TMPRSS3: variants seen among roughly 807,000 people sequenced by gnomAD.
TMPRSS3 encodes the protein transmembrane protease serine 3.
Under a neutral mutation model 59.6 loss-of-function variants are expected in TMPRSS3, and 55 were observed. That is an observed-to-expected ratio of 0.92 (90% CI 0.74 to 1.16). TMPRSS3 has a LOEUF of 1.16. Among genes scored for constraint, TMPRSS3 ranks in the 50% most tolerant of loss-of-function variants. The pLI is 0.00. For missense variants in TMPRSS3, 596 were observed against 579.4 expected (o/e 1.03, Z -0.29); for synonymous variants, 257 against 237.7 (o/e 1.08, Z -0.75).
intron 3 of TMPRSS3, 195 bp from the exon 4 acceptor site, chr21:42,389,240 C>G: frequency 8.9e-7 from 1 of 1,118,388 alleles, no homozygotes; most frequent in Non-Finnish European, 1.3e-6. Context: ...CTGCTGTGCC[C>G]CACTTTATCT....
chr21:42,382,917 T>G, intron 8 of TMPRSS3, 116 bp downstream of exon 8: 6 of 1,253,274 alleles, frequency 4.8e-6, no homozygotes, highest in Non-Finnish European at 6.8e-6. Context: ...GTACATTACT[T>G]GGAGGTTAGT....
intron 9 of TMPRSS3, among the ~76,000 whole-genome samples, chr21:42,380,966 G>A (rs2251362): frequency 0.17 from 25,531 of 152,184 alleles, 2,686 homozygotes; most frequent in East Asian, 0.31. Flanking sequence ...ATAGTTGGCA[G>A]ACTGGCACCA....
At chr21:42,394,139 CTATT>C (rs1236233060) in intron 2 of TMPRSS3, among the ~76,000 whole-genome samples, 3 of 152,050 alleles carry the variant, frequency 2.0e-5, no homozygotes, top group African/African-American at 7.2e-5. Flanking sequence ...ATACATTACT[CTATT>C]TACAAGGAAA....
chr21:42,389,265 G>T, intron 3 of TMPRSS3: 2 of 853,604 alleles, frequency 2.3e-6, no homozygotes, highest in Non-Finnish European at 3.6e-6. Context: ...ATGTGGCCTG[G>T]CCCAGGAACC....
intron 6 of TMPRSS3, among the ~76,000 whole-genome samples, chr21:42,384,546 T>C (rs2052592103): frequency 6.6e-6 from 1 of 152,202 alleles, no homozygotes; most frequent in South Asian, 2.1e-4. Flanking sequence ...GCTTTTCTCA[T>C]AGTGAAGGGA....
intron 10 of TMPRSS3, among the ~76,000 whole-genome samples, chr21:42,379,772 A>G (rs374761620): frequency 3.3e-5 from 5 of 152,052 alleles, no homozygotes; most frequent in Admixed American, 2.6e-4. Flanking sequence ...CGAATCTTTG[A>G]GTTCTGAATG....
chr21:42,395,270 A>G (rs535350254), intron 2 of TMPRSS3, 54 bp downstream of exon 2: 20 of 1,461,470 alleles, frequency 1.4e-5, no homozygotes, highest in Admixed American at 1.7e-5. Flanking sequence ...CACATTGGTC[A>G]CCTACATGAG....
Position 42,388,291 on chromosome 21 carries a change from TA to T in TMPRSS3, c.446+111del. On this transcript the variant is annotated intron_variant, in intron 5 of 12. Coordinates refer to ENST00000644384, the MANE Select transcript of TMPRSS3 (RefSeq NM_001256317.3). The surrounding 1 kb of genome is among the most constrained non-coding windows in gnomAD (Gnocchi z 5.1). ...GCATCCTAAGGTGGATGTGAGGATG[TA>T]ATCTGAGAGCGTTAAAGCACCCAAT... 1 of 1,431,386 alleles carries T rather than the reference TA, an allele frequency of 7.0e-7. No homozygotes were observed. Among genetic ancestry groups the T allele is most frequent in the South Asian group, 1.2e-5 (1 of 85,862 alleles). The allele number at this position is 1,431,386 out of a possible 1,614,324, so 88.7% of individuals were successfully genotyped here. A position where few individuals can be genotyped will look rare whatever the true frequency, so the allele number is the denominator to read the frequency against.
chr21:42,373,142 T>C (rs8131678), intron 12 of TMPRSS3, among the ~76,000 whole-genome samples: 8,170 of 152,140 alleles, frequency 0.054, 467 homozygotes, highest in African/African-American at 0.15. Context: ...GATGAGGCCA[T>C]GGGCATGCCA....
At chr21:42,395,182 G>C in intron 2 of TMPRSS3, 142 bp downstream of exon 2, 1 of 745,914 alleles carries the variant, frequency 1.3e-6, no homozygotes, top group Non-Finnish European at 2.4e-6. Flanking sequence ...AGATTCTGCA[G>C]ATCTAGGGAA....
intron 8 of TMPRSS3, 148 bp downstream of exon 8, chr21:42,382,885 G>A: frequency 1.1e-6 from 1 of 939,328 alleles, no homozygotes. Context: ...TCCACAGTGA[G>A]GCTGGAGACT....
rs540715620 is a variant in TMPRSS3 at position 42,380,137 on chromosome 21, C to A, written c.1028G>T (p.Trp343Leu). ...PDGKVCWTSGWGATEDGGDAS... is the reference protein window; with the variant it reads ...PDGKVCWTSGLGATEDGGDAS... Reference sequence around the variant, plus strand: ...CTGACCTCCATCCTCTGTGGCCCCCCATCCTGACGTCCAGCACACTTTTCC... The same window carrying A: ...CTGACCTCCATCCTCTGTGGCCCCCAATCCTGACGTCCAGCACACTTTTCC... The change falls in exon 10 of 13, where the codon TGG becomes TTG. Residue 343 changes from tryptophan to leucine, a missense_variant. Transcript: ENST00000644384. The A allele has an allele frequency of 4.3e-6, 7 of 1,614,162 alleles. No individual in the cohort carries two copies. Among genetic ancestry groups the A allele is most frequent in the East Asian group, 2.2e-5 (1 of 44,872 alleles).
chr21:42,375,259 C>T (rs1230625324), intron 12 of TMPRSS3, among the ~76,000 whole-genome samples: 1 of 141,684 alleles, frequency 7.1e-6, no homozygotes, highest in Non-Finnish European at 1.5e-5. Flanking sequence ...TGCAGAGCTC[C>T]CCAAGCCTCT....
intron 2 of TMPRSS3, chr21:42,390,414 G>C (rs181770940): frequency 3.7e-6 from 1 of 269,360 alleles, no homozygotes; most frequent in Non-Finnish European, 7.3e-6. Context: ...CTAATCCAAC[G>C]TGGCTGTTGC....
chr21:42,376,786 G>A (rs2052438032), intron 10 of TMPRSS3, 103 bp from the exon 11 acceptor site: 1 of 1,558,112 alleles, frequency 6.4e-7, no homozygotes, highest in Admixed American at 1.7e-5. Context: ...AGGGACGAGG[G>A]GGATGCTCTC....
intron 3 of TMPRSS3, 199 bp from the exon 4 acceptor site, chr21:42,389,244 T>C (rs1601532146): frequency 3.8e-6 from 4 of 1,044,730 alleles, no homozygotes; most frequent in Middle Eastern, 6.1e-4. Context: ...TGTGCCCCAC[T>C]TTATCTCGCT....
chr21:42,395,344 T>C lies in TMPRSS3; in HGVS notation c.74A>G (p.Lys25Arg), dbSNP rs1293126360. 1.9e-6 allele frequency: 3 copies of C among 1,614,054 alleles called. No individual in the cohort carries two copies. The South Asian group carries it at 3.3e-5, about 18-fold the overall frequency. ...FRSLFGLDDL[K>R]ISPVAPDADA... ...CTTACCTGGTGCAACAGGACTTATT[T>C]TCAAATCATCAAGGCCAAAAAGCGA... is the stretch of plus-strand genomic sequence containing the variant. Residue 25 changes from lysine (K) to arginine (R), a missense_variant, in exon 2 of 13, where the codon AAA (lysine) becomes AGA (arginine). Physicochemically the swap from Lys to Arg is conservative, Grantham distance 26. Coordinates refer to ENST00000644384, the MANE Select transcript of TMPRSS3 (RefSeq NM_001256317.3).
chr21:42,379,924 C>T (rs762175149), intron 10 of TMPRSS3, among the ~76,000 whole-genome samples, 193 bp downstream of exon 10: 41 of 152,128 alleles, frequency 2.7e-4, no homozygotes, highest in Non-Finnish European at 5.1e-4. Flanking sequence ...ATGTTGTCCC[C>T]ATAACAATGG....
rs193035630 is a variant in TMPRSS3, at chr21:42,376,775, G to A, written c.1049-92C>T. 5,541 of 1,578,730 alleles carry A rather than the reference G, an allele frequency of 3.5e-3. 16 individuals carry two copies. Among genetic ancestry groups the A allele is most frequent in the Non-Finnish European group, 3.6e-3 (4,140 of 1,154,136 alleles). ...GCTGAGACCAGGGGGGTGAGGGAAC[G>A]AGGGACGAGGGGGATGCTCTCTGGT... is the stretch of plus-strand genomic sequence containing the variant. On this transcript the variant is annotated intron_variant, in intron 10 of 12. Coordinates refer to ENST00000644384, the MANE Select transcript of TMPRSS3 (RefSeq NM_001256317.3).
Sources: gnomAD v4.1 joint callset for allele counts (sites outside exome capture counted in the v4.1 genomes callset) on GRCh38, gnomAD v4.1.1 for gene constraint, Gnocchi (gnomAD v3.1) non-coding constraint, MANE v1.5 for transcripts, NCBI Gene and HGNC (gene_info 2026-07-23, HGNC 2026-07-21) for gene names.